Variants in HDAC9 observed in about 807,000 individuals in gnomAD.
HDAC9 encodes the protein histone deacetylase 9, also known as MEF-2 interacting transcription repressor (MITR) protein.
A neutral mutation model predicts 139.4 loss-of-function variants in HDAC9; 41 were observed. The ratio of observed to expected loss-of-function variants is 0.29; its 90% confidence interval spans 0.23 to 0.38. HDAC9 has a LOEUF of 0.38. Ranked by LOEUF, HDAC9 falls within the 10% of genes least tolerant of loss-of-function variation. The pLI is 1.00. For synonymous variants in HDAC9, 517 were observed against 476.2 expected (o/e 1.09, Z -1.12); for missense variants, 1,147 against 1,297.0 (o/e 0.88, Z 1.78).
intron 13 of HDAC9, among the ~76,000 whole-genome samples, chr7:18,744,558 G>A (rs1316015422): frequency 6.6e-6 from 1 of 152,000 alleles, no homozygotes; most frequent in Non-Finnish European, 1.5e-5. Context: ...TACAAATCAG[G>A]ATCAATAATT....
At chr7:18,572,515 C>A (rs1824649581) in intron 2 of HDAC9, among the ~76,000 whole-genome samples, 1 of 151,826 alleles carries the variant, frequency 6.6e-6, no homozygotes, top group Non-Finnish European at 1.5e-5. Context: ...ACGGTTTGCA[C>A]CATCTTCCTC....
chr7:18,310,607 T>C (rs1157514401), intron 1 of HDAC9, among the ~76,000 whole-genome samples: 3 of 152,142 alleles, frequency 2.0e-5, no homozygotes, highest in Non-Finnish European at 2.9e-5. Flanking sequence ...GTGCACAAGT[T>C]AACATTTAGA....
rs375933738 is a variant in HDAC9 at position 18,496,262 on chromosome 7, A to T, written c.-41A>T. The stretch of plus-strand genomic sequence containing the variant: ...GAGAGTGACTCCTGTTTTTCCTCAG[A>T]TGGGGTGGCTGGACGAGAGCAGCTC... On this transcript the variant is annotated splice_region_variant and 5_prime_UTR_variant, in exon 2 of 26. An upstream start codon of the reference 5' UTR is lost. Coordinates refer to ENST00000686413, the MANE Select transcript of HDAC9 (RefSeq NM_178425.4). The T allele has an allele frequency of 6.2e-7, 1 of 1,612,972 alleles. No individual in the cohort carries two copies. The highest frequency in any genetic ancestry group is 8.5e-7 in the Non-Finnish European group (1 of 1,179,390).
intron 14 of HDAC9, among the ~76,000 whole-genome samples, chr7:18,761,172 C>A (rs755622273): frequency 6.6e-6 from 1 of 152,210 alleles, no homozygotes; most frequent in African/African-American, 2.4e-5. Context: ...TAATTAACTT[C>A]GTGCACCAGC....
intron 23 of HDAC9, 124 bp downstream of exon 23, chr7:18,936,066 G>A: frequency 1.1e-6 from 1 of 908,118 alleles, no homozygotes; most frequent in Non-Finnish European, 1.7e-6. Flanking sequence ...CATTAAGAAA[G>A]AAGGTAAGCC....
intron 1 of HDAC9, among the ~76,000 whole-genome samples, chr7:18,438,645 C>CGTGTGT (rs5882662): frequency 6.3e-4 from 94 of 148,054 alleles, no homozygotes; most frequent in African/African-American, 2.0e-3. Context: ...GCTGTGTGTG[C>CGTGTGT]GTGTGTGTGT....
At chr7:18,556,093 C>T (rs1818710419) in intron 2 of HDAC9, among the ~76,000 whole-genome samples, 1 of 151,796 alleles carries the variant, frequency 6.6e-6, no homozygotes, top group Admixed American at 6.6e-5. Context: ...TAAAAATGTT[C>T]ATGCTTCAAA....
At chr7:18,127,310 G>C (rs1216206115) in intron 1 of HDAC9, 1 of 170,172 alleles carries the variant, frequency 5.9e-6, no homozygotes, top group African/African-American at 2.4e-5. Context: ...ATTATTTGTT[G>C]CTTATCTGAA....
At chr7:18,396,518 C>T (rs955911146) in intron 1 of HDAC9, among the ~76,000 whole-genome samples, 1 of 152,012 alleles carries the variant, frequency 6.6e-6, no homozygotes, top group Non-Finnish European at 1.5e-5. Context: ...GTATATTCTC[C>T]TCTCTAACTT....
chr7:18,979,054 A>G (rs1784732822), intron 25 of HDAC9, among the ~76,000 whole-genome samples: 1 of 152,166 alleles, frequency 6.6e-6, no homozygotes, highest in Admixed American at 6.5e-5. Flanking sequence ...AAAATCCAGA[A>G]TAGTTGTCTC....
chr7:18,365,771 G>T (rs1283740284), intron 1 of HDAC9, among the ~76,000 whole-genome samples: 1 of 151,840 alleles, frequency 6.6e-6, no homozygotes, highest in East Asian at 1.9e-4. Context: ...TATGCCTTTG[G>T]GCAAATTATA....
chr7:18,535,009 G>A (rs1206107754), intron 2 of HDAC9, among the ~76,000 whole-genome samples: 2 of 152,074 alleles, frequency 1.3e-5, no homozygotes, highest in African/African-American at 2.4e-5. Flanking sequence ...TGCAAGTTCT[G>A]AACCTCTTAG....
At chr7:18,106,410 TC>T (rs1306229560) in intron 1 of HDAC9, among the ~76,000 whole-genome samples, 5 of 152,180 alleles carry the variant, frequency 3.3e-5, no homozygotes, top group Admixed American at 6.5e-5. Context: ...TACAAACTCT[TC>T]CAAGAGTTCC....
intron 23 of HDAC9, chr7:18,949,015 T>C: frequency 4.9e-6 from 2 of 409,236 alleles, no homozygotes; most frequent in Non-Finnish European, 9.4e-6. Flanking sequence ...AACCACCTTT[T>C]TGTGTACTTG....
At chr7:18,611,653 T>C (rs562026603) in intron 6 of HDAC9, among the ~76,000 whole-genome samples, 2 of 152,256 alleles carry the variant, frequency 1.3e-5, no homozygotes, top group East Asian at 1.9e-4. Context: ...TGAACACGAA[T>C]AAGTGATATC....
intron 1 of HDAC9, among the ~76,000 whole-genome samples, chr7:18,143,597 C>G (rs913534547): frequency 2.0e-5 from 3 of 152,016 alleles, no homozygotes; most frequent in Non-Finnish European, 2.9e-5. Flanking sequence ...AACAGCCTGA[C>G]TAACATGGTG....
At chr7:18,512,596 A>G (rs1319554240) in intron 2 of HDAC9, among the ~76,000 whole-genome samples, 2 of 152,216 alleles carry the variant, frequency 1.3e-5, no homozygotes, top group East Asian at 1.9e-4. Context: ...TTTAAAAAAG[A>G]TGCTTGATGA....
intron 1 of HDAC9, among the ~76,000 whole-genome samples, chr7:18,436,690 G>T (rs1243268989): frequency 2.0e-5 from 3 of 152,182 alleles, no homozygotes; most frequent in African/African-American, 7.2e-5. Flanking sequence ...ATAAAAATTT[G>T]CATGTGCTAA....
At chr7:18,649,959 T>A (rs139457199) in intron 11 of HDAC9, among the ~76,000 whole-genome samples, 6 of 152,282 alleles carry the variant, frequency 3.9e-5, no homozygotes, top group African/African-American at 1.4e-4. Context: ...TCTGTGTCAT[T>A]AGATAATGCC....
Sources: allele counts gnomAD v4.1 joint callset (sites outside exome capture counted in the v4.1 genomes callset), GRCh38; gene constraint gnomAD v4.1.1; transcripts MANE v1.5; gene names NCBI Gene and HGNC (gene_info 2026-07-23, HGNC 2026-07-21).